XYLT1: variants seen among roughly 807,000 people sequenced by gnomAD.
The protein encoded by XYLT1 is beta-D-xylosyltransferase 1.
XYLT1 carries 36 observed loss-of-function variants against 91.3 expected under a neutral mutation model. The ratio of observed to expected loss-of-function variants is 0.39; its 90% CI spans 0.30 to 0.52. The LOEUF (loss-of-function observed/expected upper bound fraction) is 0.52. XYLT1 is among the 20% of genes least tolerant of loss of function. The pLI is 0.68. For missense variants in XYLT1, 1,242 were observed against 1,284.5 expected (o/e 0.97, Z 0.51); for synonymous variants, 588 against 532.0 (o/e 1.11, Z -1.45).
At chr16:17,248,225 G>A (rs2141744084) in intron 3 of XYLT1, among the ~76,000 whole-genome samples, 1 of 152,298 alleles carries the variant, frequency 6.6e-6, no homozygotes, top group East Asian at 1.9e-4. Context: ...TCTCTTGCCT[G>A]CCACACTATA....
chr16:17,449,550 G>A (rs1596552008), intron 1 of XYLT1, among the ~76,000 whole-genome samples: 1 of 152,228 alleles, frequency 6.6e-6, no homozygotes, highest in African/African-American at 2.4e-5. Context: ...GTGCAACCTT[G>A]CGAGAGTTAC....
In XYLT1 at chr16:17,101,873, G is replaced by C. The variant is rs539353941; in HGVS notation, c.*6822C>G. 6.6e-6 allele frequency: 1 copy of C among 152,320 alleles called. No individual in the cohort carries two copies. Among genetic ancestry groups the C allele is most frequent in the East Asian group, 1.9e-4 (1 of 5,178 alleles). 9.4% of individuals were successfully genotyped at this position (152,320 alleles called of 1,614,324 possible). A position where few individuals can be genotyped will look rare whatever the true frequency, so the allele number is the denominator to read the frequency against. ...GGCCTGGTCACATGGTCACAGCTAA[G>C]AGCAAGGCAGTCTGGGAAATGTAGT... On this transcript the variant is annotated 3_prime_UTR_variant, in exon 12 of 12. Transcript: ENST00000261381.
At chr16:17,212,376 G>A (rs2032775513) in intron 3 of XYLT1, among the ~76,000 whole-genome samples, 1 of 152,158 alleles carries the variant, frequency 6.6e-6, no homozygotes, top group Non-Finnish European at 1.5e-5. Context: ...GTGGGCGCAA[G>A]TATTGGGACT....
intron 2 of XYLT1, among the ~76,000 whole-genome samples, chr16:17,260,662 C>A (rs887488680): frequency 4.6e-5 from 7 of 152,226 alleles, no homozygotes; most frequent in African/African-American, 1.7e-4. Flanking sequence ...AAACAACTGC[C>A]TGTGTTTTTT....
intron 1 of XYLT1, among the ~76,000 whole-genome samples, chr16:17,439,939 G>A (rs2036511609): frequency 6.6e-6 from 1 of 152,234 alleles, no homozygotes; most frequent in Admixed American, 6.5e-5. Flanking sequence ...AAATACAGAA[G>A]TGATGGTATT....
At chr16:17,461,618 G>A (rs1024274291) in intron 1 of XYLT1, among the ~76,000 whole-genome samples, 6 of 152,138 alleles carry the variant, frequency 3.9e-5, no homozygotes, top group Admixed American at 3.3e-4. Context: ...ATGGATGGAT[G>A]GATGCTTAGA....
Position 17,127,868 on chromosome 16 carries a change from A to G in XYLT1, c.2028-7T>C. On this transcript the variant is annotated splice_polypyrimidine_tract_variant and splice_region_variant and intron_variant, in intron 9 of 11. Transcript: ENST00000261381. The stretch of plus-strand genomic sequence containing the variant: ...GTGGCCCATTGGGTAGTATCTGAAA[A>G]CACAGGCGCTCATGCATTAGGGCCC... 1 of 1,611,840 alleles carries G rather than the reference A, an allele frequency of 6.2e-7. No individual in the cohort carries two copies. Among genetic ancestry groups the G allele is most frequent in the Non-Finnish European group, 8.5e-7 (1 of 1,179,114 alleles).
rs926421758 is a variant in XYLT1 at position 17,402,557 on chromosome 16, T to C, written c.364-44507A>G. 4.6e-5 allele frequency among the ~76,000 whole-genome samples: 7 copies of C among 152,162 alleles called. No individual in the cohort carries two copies. In the East Asian group the frequency reaches 1.2e-3, roughly 25 times the overall value. ...AGGATTCAAACCTATGAGGGGTTTA[T>C]TTGGGGGCTGTTGGAGCATACAGTT... On this transcript the variant is annotated intron_variant, in intron 1 of 11. Transcript: ENST00000261381.
At chr16:17,311,578 G>C (rs546360821) in intron 2 of XYLT1, among the ~76,000 whole-genome samples, 8 of 152,274 alleles carry the variant, frequency 5.3e-5, no homozygotes, top group African/African-American at 1.9e-4. Flanking sequence ...TTTCCAGCCA[G>C]ATCCATGGGA....
chr16:17,230,604 A>G (rs4782020), intron 3 of XYLT1, among the ~76,000 whole-genome samples: 151,401 of 152,290 alleles, frequency 0.99, 75,262 homozygotes, highest in Middle Eastern at 1. Context: ...CAGAGCTTCC[A>G]ACAGCTGGAG....
chr16:17,400,664 G>GA (rs1555454216), intron 1 of XYLT1, among the ~76,000 whole-genome samples: 2 of 129,246 alleles, frequency 1.5e-5, no homozygotes, highest in Non-Finnish European at 3.4e-5. Flanking sequence ...AGGAAGGAAG[G>GA]AAGGAAGGAA....
At chr16:17,235,143 T>C (rs1011602113) in intron 3 of XYLT1, among the ~76,000 whole-genome samples, 3 of 152,098 alleles carry the variant, frequency 2.0e-5, no homozygotes, top group African/African-American at 7.2e-5. Flanking sequence ...CCAGTTCAGT[T>C]TGGGAATGGA....
At chr16:17,327,366 T>C (rs1178756535) in intron 2 of XYLT1, among the ~76,000 whole-genome samples, 8 of 145,842 alleles carry the variant, frequency 5.5e-5, no homozygotes, top group Admixed American at 2.7e-4. Flanking sequence ...TTTTTCTTTT[T>C]TTTTTTTTTT....
intron 1 of XYLT1, among the ~76,000 whole-genome samples, chr16:17,412,297 G>C (rs1028343734): frequency 6.6e-6 from 1 of 151,806 alleles, no homozygotes; most frequent in African/African-American, 2.4e-5. Flanking sequence ...CACTCCTGGG[G>C]GTGCAGAGGT....
At chr16:17,185,255 GA>G (rs1367824514) in intron 5 of XYLT1, among the ~76,000 whole-genome samples, 4 of 152,234 alleles carry the variant, frequency 2.6e-5, no homozygotes, top group African/African-American at 9.6e-5. Flanking sequence ...CAGGGCTGAG[GA>G]TATGTTTATT....
intron 7 of XYLT1, among the ~76,000 whole-genome samples, chr16:17,140,658 C>CAAAAAAAAAAAAAAA (rs71137974): frequency 1.2e-4 from 8 of 68,024 alleles, no homozygotes; most frequent in African/African-American, 4.7e-4. Context: ...AAGACTGTCT[C>CAAAAAAAAAAAAAAA]AAAAAAAAAA....
Position 17,312,094 on chromosome 16 carries a change from G to A in XYLT1, c.402+45918C>T, listed in dbSNP as rs1032632271. On this transcript the variant is annotated intron_variant, in intron 2 of 11. Coordinates refer to ENST00000261381, the MANE Select transcript of XYLT1 (RefSeq NM_022166.4). The surrounding 1 kb of genome is among the most constrained non-coding windows in gnomAD (Gnocchi z 4.4). Reference sequence around the variant, plus strand: ...AGGCCCAGAAAGGCCTTCTAGAAGAGTCAAGGTGTGAGCTGGAGGATGAAA... The same window carrying A: ...AGGCCCAGAAAGGCCTTCTAGAAGAATCAAGGTGTGAGCTGGAGGATGAAA... 6.6e-6 allele frequency among the ~76,000 whole-genome samples: 1 copy of A among 152,218 alleles called. No individual in the cohort carries two copies.
intron 3 of XYLT1, among the ~76,000 whole-genome samples, chr16:17,254,365 T>C (rs1243937986): frequency 2.6e-5 from 4 of 152,214 alleles, no homozygotes; most frequent in Non-Finnish European, 5.9e-5. Flanking sequence ...TTTCTTAACT[T>C]CTTTTCTCTA....
At chr16:17,155,346 A>G (rs1195239348) in intron 6 of XYLT1, among the ~76,000 whole-genome samples, 1 of 151,194 alleles carries the variant, frequency 6.6e-6, no homozygotes, top group Non-Finnish European at 1.5e-5. Flanking sequence ...GAACTAATAG[A>G]GAGTCTGGGC....
Sources: gnomAD v4.1 joint callset for allele counts (sites outside exome capture counted in the v4.1 genomes callset) on GRCh38, gnomAD v4.1.1 for gene constraint, Gnocchi (gnomAD v3.1) non-coding constraint, MANE v1.5 for transcripts, NCBI Gene and HGNC (gene_info 2026-07-23, HGNC 2026-07-21) for gene names.